The following AOPEP variants were observed in gnomAD, a reference collection of about 807,000 sequenced individuals.
AOPEP encodes aminopeptidase O (putative).
AOPEP carries 77 observed loss-of-function variants against 98.1 expected under a neutral mutation model. That is an observed-to-expected ratio of 0.78 (90% CI 0.65 to 0.95). The LOEUF is 0.95. Ranked by LOEUF, AOPEP falls within the 40% of genes least tolerant of loss-of-function variation. AOPEP has a pLI of 0.00. For missense variants in AOPEP, 1,024 were observed against 1,024.7 expected, an observed-to-expected ratio of 1.00 and a Z score of 0.01; for synonymous variants, 346 against 365.3, an observed-to-expected ratio of 0.95 and a Z score of 0.60.
At chr9:95,072,340 G>A (rs1359481696) in intron 14 of AOPEP, among the ~76,000 whole-genome samples, 2 of 152,230 alleles carry the variant, frequency 1.3e-5, no homozygotes, top group Non-Finnish European at 2.9e-5. Flanking sequence ...CCAGGAATCT[G>A]GTTCTGGACA....
At chr9:95,029,356 T>C (rs1472414375) in intron 13 of AOPEP, among the ~76,000 whole-genome samples, 2 of 152,234 alleles carry the variant, frequency 1.3e-5, no homozygotes, top group African/African-American at 2.4e-5. Flanking sequence ...CTTTGTCCTT[T>C]TGTCTGCGTG....
intron 5 of AOPEP, among the ~76,000 whole-genome samples, chr9:94,914,155 T>G (rs1447580017): frequency 6.6e-6 from 1 of 152,206 alleles, no homozygotes; most frequent in Non-Finnish European, 1.5e-5. Flanking sequence ...TGGTCTACTT[T>G]TGATGGAGAC....
intron 9 of AOPEP, among the ~76,000 whole-genome samples, chr9:94,962,986 C>T (rs1230785434): frequency 6.6e-6 from 1 of 152,042 alleles, no homozygotes; most frequent in Non-Finnish European, 1.5e-5. Context: ...CCTCATGATC[C>T]GCCCACCTCA....
intron 5 of AOPEP, among the ~76,000 whole-genome samples, chr9:94,861,026 G>A (rs2044891344): frequency 6.6e-6 from 1 of 152,188 alleles, no homozygotes; most frequent in African/African-American, 2.4e-5. Context: ...TTCAGCTTCA[G>A]TGTGCTGACA....
chr9:95,059,890 G>A (rs966832375), intron 13 of AOPEP, among the ~76,000 whole-genome samples: 1 of 152,180 alleles, frequency 6.6e-6, no homozygotes, highest in Non-Finnish European at 1.5e-5. Flanking sequence ...CTACAGGGCC[G>A]ATCTCACAGG....
chr9:94,925,405 C>G (rs2054170841), intron 6 of AOPEP, among the ~76,000 whole-genome samples: 1 of 152,214 alleles, frequency 6.6e-6, no homozygotes, highest in Non-Finnish European at 1.5e-5. Context: ...TGATATTGTT[C>G]AAGGTCCTTT....
the AOPEP span, among the ~76,000 whole-genome samples, chr9:95,139,836 A>T: frequency 7.1e-4 from 102 of 144,196 alleles, no homozygotes; most frequent in East Asian, 1.6e-3. Context: ...ATATATATTT[A>T]TATATATATA....
chr9:95,123,508 C>A, the AOPEP span: 1 of 481,366 alleles, frequency 2.1e-6, no homozygotes, highest in South Asian at 1.5e-5. Context: ...TTCCTCCAGT[C>A]CGTGCCTCCA....
chr9:94,998,675 A>T (rs1451795651), intron 11 of AOPEP, among the ~76,000 whole-genome samples: 2 of 152,224 alleles, frequency 1.3e-5, no homozygotes, highest in African/African-American at 4.8e-5. Context: ...ACCTTGCTGT[A>T]TTACTGCGTT....
At chr9:94,919,335 C>G (rs1192144471) in intron 5 of AOPEP, among the ~76,000 whole-genome samples, 2 of 152,124 alleles carry the variant, frequency 1.3e-5, no homozygotes, top group Non-Finnish European at 2.9e-5. Flanking sequence ...GAAGACTATC[C>G]CCTCATCTCC....
chr9:94,756,805 C>G (rs1266980514), intron 1 of AOPEP, among the ~76,000 whole-genome samples: 3 of 152,122 alleles, frequency 2.0e-5, no homozygotes, highest in Non-Finnish European at 4.4e-5. Flanking sequence ...AACCATTTTT[C>G]TCTCTTCCTC....
At chr9:94,962,625 C>A (rs2058921201) in intron 9 of AOPEP, among the ~76,000 whole-genome samples, 1 of 152,108 alleles carries the variant, frequency 6.6e-6, no homozygotes, top group Non-Finnish European at 1.5e-5. Context: ...GGTCTATGAT[C>A]CAGTTTCTTT....
chr9:94,996,359 T>TGC (rs1263638490), intron 11 of AOPEP, among the ~76,000 whole-genome samples: 1 of 120,722 alleles, frequency 8.3e-6, no homozygotes, highest in African/African-American at 3.3e-5. Context: ...TCTGTGTGTG[T>TGC]GTGTGTGTGT....
intron 5 of AOPEP, among the ~76,000 whole-genome samples, chr9:94,876,811 A>C (rs1309345209): frequency 1.3e-5 from 2 of 152,136 alleles, no homozygotes; most frequent in Non-Finnish European, 2.9e-5. Flanking sequence ...CCCCAACTAG[A>C]GCAAAAAGGA....
the AOPEP span, among the ~76,000 whole-genome samples, chr9:95,130,501 A>C: frequency 6.6e-6 from 1 of 152,274 alleles, no homozygotes; most frequent in Non-Finnish European, 1.5e-5. Context: ...CGCCTTAAAA[A>C]TAAAGAAGGA....
intron 1 of AOPEP, among the ~76,000 whole-genome samples, chr9:94,733,783 T>G (rs1831111608): frequency 6.6e-6 from 1 of 152,220 alleles, no homozygotes; most frequent in African/African-American, 2.4e-5. Context: ...TTTCTTACCT[T>G]AATCCCAGGT....
chr9:95,101,057 A>G, the AOPEP span: 1 of 234,336 alleles, frequency 4.3e-6, no homozygotes, highest in East Asian at 6.0e-5. Flanking sequence ...GGCTCCTCTG[A>G]TGTCCCAAGG....
chr9:94,782,385 T>G (rs1032778386), intron 3 of AOPEP, among the ~76,000 whole-genome samples: 3 of 152,182 alleles, frequency 2.0e-5, no homozygotes, highest in African/African-American at 4.8e-5. Context: ...AGTGCAAAAG[T>G]AAGACTGTAG....
intron 5 of AOPEP, among the ~76,000 whole-genome samples, chr9:94,871,028 C>T (rs1325429108): frequency 6.6e-6 from 1 of 152,162 alleles, no homozygotes; most frequent in African/African-American, 2.4e-5. Flanking sequence ...TTCAGCCCTC[C>T]TCCTCCACTC....
Sources: allele counts gnomAD v4.1 joint callset (sites outside exome capture counted in the v4.1 genomes callset), GRCh38; gene constraint gnomAD v4.1.1; transcripts MANE v1.5; gene names NCBI Gene and HGNC (gene_info 2026-07-23, HGNC 2026-07-21).